The following HYCC2 variants were observed in gnomAD, a reference collection of about 807,000 sequenced individuals.
HYCC2 encodes the protein hyccin 2.
the HYCC2 span, among the ~76,000 whole-genome samples, chr2:201,069,998 G>C: frequency 6.6e-6 from 1 of 152,092 alleles, no homozygotes; most frequent in Non-Finnish European, 1.5e-5. Flanking sequence ...CACTACATTA[G>C]ACCTTATCTC....
At chr2:201,039,792 T>C in the HYCC2 span, among the ~76,000 whole-genome samples, 1 of 152,332 alleles carries the variant, frequency 6.6e-6, no homozygotes, top group African/African-American at 2.4e-5. Context: ...CTTCACAATT[T>C]ACTTGGCTGG....
the HYCC2 span, among the ~76,000 whole-genome samples, chr2:201,019,923 A>C: frequency 6.6e-6 from 1 of 151,976 alleles, no homozygotes; most frequent in East Asian, 1.9e-4. Flanking sequence ...CTCTGTCTTT[A>C]GAAAATAAAA....
At chr2:201,062,527 T>A in the HYCC2 span, among the ~76,000 whole-genome samples, 5 of 151,804 alleles carry the variant, frequency 3.3e-5, no homozygotes, top group African/African-American at 1.2e-4. Context: ...GGCGGGCACC[T>A]GTAGTCCCAG....
chr2:201,001,000 C>T, the HYCC2 span, among the ~76,000 whole-genome samples: 4 of 151,532 alleles, frequency 2.6e-5, no homozygotes, highest in African/African-American at 4.9e-5. Context: ...TAGCCAGGCA[C>T]GGTGTTGCAC....
At chr2:201,038,414 A>C in the HYCC2 span, among the ~76,000 whole-genome samples, 2 of 152,204 alleles carry the variant, frequency 1.3e-5, no homozygotes, top group African/African-American at 2.4e-5. Flanking sequence ...AAGGAATATA[A>C]ACCATGCTGC....
chr2:201,031,411 G>A, the HYCC2 span, among the ~76,000 whole-genome samples: 37 of 152,218 alleles, frequency 2.4e-4, no homozygotes, highest in Non-Finnish European at 5.0e-4. Flanking sequence ...CAGCATTTTG[G>A]GAGGCCGAGT....
the HYCC2 span, chr2:200,992,805 G>C: frequency 1.1e-6 from 1 of 875,080 alleles, no homozygotes; most frequent in Non-Finnish European, 1.9e-6. Context: ...TCAGTATTGT[G>C]TCGGATAAGG....
At chr2:200,976,890 T>A in the HYCC2 span, 1 of 152,216 alleles carries the variant, frequency 6.6e-6, no homozygotes, top group South Asian at 2.1e-4. Context: ...TACTTTGCAA[T>A]ACTCTATTGT....
At chr2:200,992,239 A>T in the HYCC2 span, 1 of 1,170,620 alleles carries the variant, frequency 8.5e-7, no homozygotes, top group Non-Finnish European at 1.3e-6. Flanking sequence ...TACCTTTTTT[A>T]GGTACCAGTA....
the HYCC2 span, among the ~76,000 whole-genome samples, chr2:201,064,481 T>G: frequency 6.6e-6 from 1 of 152,188 alleles, no homozygotes; most frequent in Non-Finnish European, 1.5e-5. Context: ...TGCCAGGTTC[T>G]ATTTGGAATT....
the HYCC2 span, among the ~76,000 whole-genome samples, chr2:201,047,958 G>A: frequency 6.8e-6 from 1 of 146,474 alleles, no homozygotes; most frequent in Non-Finnish European, 1.5e-5. Context: ...GAATTATTCA[G>A]ACAGAAGGAA....
At chr2:201,035,951 G>A in the HYCC2 span, among the ~76,000 whole-genome samples, 5 of 152,132 alleles carry the variant, frequency 3.3e-5, no homozygotes, top group Non-Finnish European at 7.3e-5. Context: ...CTGCCTGATC[G>A]TTCCTCTGGA....
chr2:201,030,545 T>A, the HYCC2 span, among the ~76,000 whole-genome samples: 1 of 151,832 alleles, frequency 6.6e-6, no homozygotes, highest in Non-Finnish European at 1.5e-5. Flanking sequence ...TTACATTTGT[T>A]AAAAACACAT....
At chr2:201,023,232 C>G in the HYCC2 span, among the ~76,000 whole-genome samples, 1 of 151,878 alleles carries the variant, frequency 6.6e-6, no homozygotes, top group Non-Finnish European at 1.5e-5. Context: ...GCCTGTAATC[C>G]CAGCTACTCA....
chr2:201,005,016 CA>C, the HYCC2 span, among the ~76,000 whole-genome samples: 546 of 56,584 alleles, frequency 9.6e-3, 1 homozygote, highest in African/African-American at 0.021. Context: ...GACTCCATCT[CA>C]AAAAAAAAAA....
the HYCC2 span, among the ~76,000 whole-genome samples, chr2:200,982,328 C>T: frequency 6.6e-6 from 1 of 151,762 alleles, no homozygotes; most frequent in Non-Finnish European, 1.5e-5. Context: ...CAGAATTATA[C>T]CAAAAACCCA....
At chr2:201,057,914 C>T in the HYCC2 span, among the ~76,000 whole-genome samples, 101 of 152,222 alleles carry the variant, frequency 6.6e-4, no homozygotes, top group African/African-American at 2.4e-3. Context: ...GCTAAATGGC[C>T]TTTGTAACCA....
chr2:200,992,157 A>G, the HYCC2 span: 4 of 650,860 alleles, frequency 6.1e-6, no homozygotes, highest in Non-Finnish European at 1.1e-5. Flanking sequence ...TTTCTCTAAC[A>G]GTTAACCAAC....
the HYCC2 span, among the ~76,000 whole-genome samples, chr2:201,033,814 C>T: frequency 6.6e-6 from 1 of 152,110 alleles, no homozygotes; most frequent in African/African-American, 2.4e-5. Flanking sequence ...GCTGAAATTA[C>T]AGGCATGAGC....
Sources: allele counts gnomAD v4.1 joint callset (sites outside exome capture counted in the v4.1 genomes callset), GRCh38; gene constraint gnomAD v4.1.1; transcripts MANE v1.5; gene names NCBI Gene and HGNC (gene_info 2026-07-23, HGNC 2026-07-21).